APBB2: variants seen among roughly 807,000 people sequenced by gnomAD.
APBB2 encodes Fe65-like 1.
Under a neutral mutation model 82.5 loss-of-function variants are expected in APBB2, and 38 were observed. That is an observed-to-expected ratio of 0.46 (90% CI 0.36 to 0.60). The LOEUF (loss-of-function observed/expected upper bound fraction) is 0.60. APBB2 is among the 20% of genes least tolerant of loss of function. The pLI is 0.00. For synonymous variants in APBB2, 341 were observed against 368.2 expected, an observed-to-expected ratio of 0.93 and a Z score of 0.85; for missense variants, 772 against 972.3, an observed-to-expected ratio of 0.79 and a Z score of 2.74.
rs1265769683 is a variant in APBB2, at chr4:41,128,250, TA to T, written c.-261+14736del. 2.6e-5 allele frequency among the ~76,000 whole-genome samples: 4 copies of T among 152,258 alleles called. No homozygotes were observed. The South Asian group carries it at 6.2e-4, about 24-fold the overall frequency. ...TTATACCAGCCAGAATGGTTATTATTAAAAAGTCAAAAAACAACAGATGCTG... is the reference window on the plus strand; with the variant it reads ...TTATACCAGCCAGAATGGTTATTATTAAAAGTCAAAAAACAACAGATGCTG... On this transcript the variant is annotated intron_variant, in intron 2 of 17. Coordinates refer to ENST00000508593, the MANE Select transcript of APBB2 (RefSeq NM_004307.2).
At chr4:40,913,940 A>G (rs1245634965) in intron 10 of APBB2, among the ~76,000 whole-genome samples, 1 of 152,138 alleles carries the variant, frequency 6.6e-6, no homozygotes, top group Non-Finnish European at 1.5e-5. Flanking sequence ...TCAATAACAT[A>G]CACTAAATAA....
rs1693276368 is a variant in APBB2 at position 41,172,793 on chromosome 4, G to C, written c.-416-29651C>G. ...TTACCACTGCTTTTTCTTTCCACCT[G>C]ATGGAAGGGGGAAAAGTCAGCCAGG... On this transcript the variant is annotated intron_variant, in intron 1 of 17. Coordinates refer to ENST00000508593, the MANE Select transcript of APBB2 (RefSeq NM_004307.2). Among the ~76,000 whole-genome samples, 3 of 152,314 alleles carry C rather than the reference G, an allele frequency of 2.0e-5. No individual in the cohort carries two copies. The South Asian group carries it at 6.2e-4, about 32-fold the overall frequency.
At position 40,815,744 on chromosome 4, in the gene APBB2, G is replaced by GC. The variant is rs1212847657; in HGVS notation, c.*347dup. On this transcript the variant is annotated 3_prime_UTR_variant, in exon 18 of 18. Transcript: ENST00000508593. ...CAAGAAGACAGTGAAACTAACTCAC[G>GC]CATCATTCATTCCAAGGACGCAGCG... 1 of 222,424 alleles carries GC rather than the reference G, an allele frequency of 4.5e-6. No individual in the cohort carries two copies. Among genetic ancestry groups the GC allele is most frequent in the African/African-American group, 2.2e-5 (1 of 44,930 alleles). 13.8% of individuals were successfully genotyped at this position (222,424 alleles called of 1,614,324 possible).
chr4:41,142,828 G>A (rs1759633048), intron 2 of APBB2, among the ~76,000 whole-genome samples, 159 bp downstream of exon 2: 1 of 152,114 alleles, frequency 6.6e-6, no homozygotes, highest in African/African-American at 2.4e-5. Flanking sequence ...TACACAAAAG[G>A]CTATCAGCAT....
At chr4:41,065,377 C>T (rs1731352370) in intron 4 of APBB2, among the ~76,000 whole-genome samples, 199 bp downstream of exon 4, 2 of 152,152 alleles carry the variant, frequency 1.3e-5, no homozygotes, top group South Asian at 4.1e-4. Context: ...TATAGGGCCA[C>T]TTAATTACAA....
At chr4:40,930,561 A>T (rs904570161) in intron 10 of APBB2, among the ~76,000 whole-genome samples, 5 of 152,112 alleles carry the variant, frequency 3.3e-5, no homozygotes, top group Non-Finnish European at 5.9e-5. Context: ...AGGTGCCCAG[A>T]TTCAGAGTAG....
chr4:41,104,347 C>T (rs1746426928), intron 2 of APBB2, among the ~76,000 whole-genome samples: 1 of 152,166 alleles, frequency 6.6e-6, no homozygotes, highest in African/African-American at 2.4e-5. Flanking sequence ...ACTGATATCA[C>T]ATTAAGAACT....
chr4:41,196,075 C>T, intron 1 of APBB2, among the ~76,000 whole-genome samples: 1 of 151,732 alleles, frequency 6.6e-6, no homozygotes, highest in Non-Finnish European at 1.5e-5. Flanking sequence ...AAGAGAATGG[C>T]GTGAACCCGG....
chr4:40,828,802 C>T (rs1750844759), intron 13 of APBB2, among the ~76,000 whole-genome samples: 1 of 152,234 alleles, frequency 6.6e-6, no homozygotes, highest in Admixed American at 6.5e-5. Context: ...AGTGCCCATC[C>T]TGCACGTCCC....
chr4:41,126,251 G>A (rs1389050524), intron 2 of APBB2, among the ~76,000 whole-genome samples: 1 of 151,932 alleles, frequency 6.6e-6, no homozygotes, highest in Non-Finnish European at 1.5e-5. Context: ...GGGCATGGTG[G>A]TGCATGCCTG....
Position 41,203,698 on chromosome 4 carries a change from G to C in APBB2, c.-417+10707C>G, listed in dbSNP as rs73810889. 9.4e-3 allele frequency among the ~76,000 whole-genome samples: 1,428 copies of C among 152,282 alleles called. 15 individuals carry two copies. Among genetic ancestry groups the C allele is most frequent in the African/African-American group, 0.032 (1,348 of 41,566 alleles). ...GAAACAGTAGGAACCTCCAGGAGCT[G>C]TAAGCCCCAATTCTCCCCAGTACTC... On this transcript the variant is annotated intron_variant, in intron 1 of 17. Transcript: ENST00000508593.
chr4:41,003,215 C>T (rs975117484), intron 6 of APBB2, among the ~76,000 whole-genome samples: 1 of 152,192 alleles, frequency 6.6e-6, no homozygotes, highest in Non-Finnish European at 1.5e-5. Context: ...AAAATTTCCT[C>T]ATCTTTACAA....
intron 7 of APBB2, among the ~76,000 whole-genome samples, chr4:40,942,993 A>G (rs764512842): frequency 2.0e-5 from 3 of 152,214 alleles, no homozygotes; most frequent in Non-Finnish European, 4.4e-5. Context: ...GGCAGCCTTT[A>G]CAAAGGACTT....
At chr4:41,022,230 C>T (rs912371668) in intron 5 of APBB2, among the ~76,000 whole-genome samples, 2 of 152,168 alleles carry the variant, frequency 1.3e-5, no homozygotes, top group Non-Finnish European at 1.5e-5. Context: ...GATGCCTAGG[C>T]CCCACCCACA....
chr4:40,841,003 G>A (rs1358930028), intron 12 of APBB2, among the ~76,000 whole-genome samples: 2 of 152,068 alleles, frequency 1.3e-5, no homozygotes, highest in Non-Finnish European at 2.9e-5. Context: ...ACCTGCCCCC[G>A]CCAGGGTCTC....
chr4:40,907,345 T>TTATATATATA (rs1560860217), intron 10 of APBB2, among the ~76,000 whole-genome samples: 8 of 104,970 alleles, frequency 7.6e-5, no homozygotes, highest in African/African-American at 2.4e-4. Context: ...ATTTAATATA[T>TTATATATATA]TACATATATA....
chr4:41,089,893 C>T (rs1179512494), intron 3 of APBB2, among the ~76,000 whole-genome samples: 1 of 152,146 alleles, frequency 6.6e-6, no homozygotes, highest in Admixed American at 6.5e-5. Flanking sequence ...CCCATGTCTC[C>T]TACTGCAATT....
intron 6 of APBB2, among the ~76,000 whole-genome samples, chr4:40,957,587 T>TATTCC (rs1491020762): frequency 3.1e-4 from 1 of 3,252 alleles, no homozygotes; most frequent in Non-Finnish European, 1.8e-3. Flanking sequence ...TCATATTCCT[T>TATTCC]TTTTTTTTTT....
chr4:40,931,787 A>G (rs1784278976), intron 10 of APBB2, among the ~76,000 whole-genome samples: 1 of 146,324 alleles, frequency 6.8e-6, no homozygotes, highest in African/African-American at 2.5e-5. Context: ...ATTCTCTTAT[A>G]TTTTCTGTGC....
Sources: gnomAD v4.1 joint callset for allele counts (sites outside exome capture counted in the v4.1 genomes callset) on GRCh38, gnomAD v4.1.1 for gene constraint, MANE v1.5 for transcripts, NCBI Gene and HGNC (gene_info 2026-07-23, HGNC 2026-07-21) for gene names.